Variants in HHIPL2 observed in about 807,000 individuals in gnomAD.
HHIPL2 encodes the protein HHIP-like protein 2.
HHIPL2 carries 61 observed loss-of-function variants against 61.0 expected under a neutral mutation model. The observed-to-expected ratio is 1.00, with a 90% CI of 0.81 to 1.24. HHIPL2 has a LOEUF of 1.24. HHIPL2 is among the 50% of genes most tolerant of loss of function. The probability of loss-of-function intolerance (pLI) is 0.00; values close to 1 mark genes in which losing one functional copy is unlikely to be tolerated. For missense variants in HHIPL2, 885 were observed against 910.2 expected, an observed-to-expected ratio of 0.97 and a Z score of 0.36; for synonymous variants, 343 against 357.4, an observed-to-expected ratio of 0.96 and a Z score of 0.45.
Position 222,540,160 on chromosome 1 carries a change from G to T in HHIPL2, c.1300C>A (p.Arg434Ser). The change falls in exon 4 of 9, where the codon CGC becomes AGC. Residue 434 changes from arginine to serine, a missense_variant. By Grantham distance (110) the Arg-to-Ser change is moderately radical. Coordinates refer to ENST00000343410, the MANE Select transcript of HHIPL2 (RefSeq NM_024746.4). ...CAVDRGDPITRQGRGRIFCGD... is the reference protein window; with the variant it reads ...CAVDRGDPITSQGRGRIFCGD... ...CAGAATATCCGGCCTCGGCCCTGGC[G>T]CGTGATGGGGTCCCCTCGGTCCACA... The T allele has an allele frequency of 6.2e-7, 1 of 1,614,234 alleles. No homozygotes were observed. The highest frequency in any genetic ancestry group is 8.5e-7 in the Non-Finnish European group (1 of 1,180,044).
chr1:222,533,531 T>A (rs540795255), intron 5 of HHIPL2, among the ~76,000 whole-genome samples: 1 of 152,226 alleles, frequency 6.6e-6, no homozygotes. Context: ...ACCTGACCAA[T>A]TAGTAACTTT....
chr1:222,533,138 G>A (rs1659227181), intron 5 of HHIPL2, among the ~76,000 whole-genome samples: 1 of 152,184 alleles, frequency 6.6e-6, no homozygotes, highest in South Asian at 2.1e-4. Context: ...GCTGAGGCGG[G>A]TGGATCACCT....
At chr1:222,547,634 G>A (rs1659581658) in intron 1 of HHIPL2, 90 bp downstream of exon 1, 2 of 1,130,768 alleles carry the variant, frequency 1.8e-6, no homozygotes, top group African/African-American at 3.1e-5. Context: ...AACTTCTAAA[G>A]GGCTGGGCTC....
Position 222,532,078 on chromosome 1 carries a change from G to A in HHIPL2, c.1611C>T (p.Asn537=), listed in dbSNP as rs182057731. 1.2e-6 allele frequency: 2 copies of A among 1,613,686 alleles called. No homozygotes were observed. The highest frequency in any genetic ancestry group is 3.3e-5 in the Admixed American group (2 of 59,966). ...AAAGATCCTGCTTCTTCCATTTCTTGTTTTTTCTATCTTCCTGCAAAGCCA... is the reference window on the plus strand; with the variant it reads ...AAAGATCCTGCTTCTTCCATTTCTTATTTTTTCTATCTTCCTGCAAAGCCA... The part of the protein sequence containing the change: ...RLMALQEDRK[N]KKWKKQDLCL... Residue 537 remains asparagine, a synonymous_variant, in exon 6 of 9, where the codon AAC becomes AAT. Transcript: ENST00000343410.
At chr1:222,527,708 A>G (rs1255826867) in intron 6 of HHIPL2, among the ~76,000 whole-genome samples, 1 of 152,072 alleles carries the variant, frequency 6.6e-6, no homozygotes, top group Non-Finnish European at 1.5e-5. Flanking sequence ...TGTGGGAGTG[A>G]CCCAATGGGA....
In HHIPL2 at chr1:222,538,989, G is replaced by A; in HGVS notation, c.1451-215C>T. ...ACTTCCTACTTAACTGCTATCTGCAGGCAGAGAGGAAGCCAAAAATTCCCT... is the reference window on the plus strand; with the variant it reads ...ACTTCCTACTTAACTGCTATCTGCAAGCAGAGAGGAAGCCAAAAATTCCCT... On this transcript the variant is annotated intron_variant, in intron 4 of 8. Transcript: ENST00000343410. 12 of 515,468 alleles carry A rather than the reference G, an allele frequency of 2.3e-5. No homozygotes were observed. The South Asian group carries it at 2.6e-4, about 11-fold the overall frequency. 31.9% of individuals were successfully genotyped at this position (515,468 alleles called of 1,614,324 possible). A position where few individuals can be genotyped will look rare whatever the true frequency, so the allele number is the denominator to read the frequency against.
intron 6 of HHIPL2, among the ~76,000 whole-genome samples, chr1:222,531,365 T>C (rs1346827719): frequency 6.6e-6 from 1 of 152,172 alleles, no homozygotes; most frequent in Admixed American, 6.5e-5. Flanking sequence ...AGAATAGATA[T>C]TCCCCTCACA....
intron 2 of HHIPL2, among the ~76,000 whole-genome samples, 199 bp downstream of exon 2, chr1:222,543,338 G>A (rs763592938): frequency 5.9e-5 from 9 of 152,200 alleles, no homozygotes; most frequent in Non-Finnish European, 1.3e-4. Context: ...TAGGGTAACT[G>A]TAAGGTGATG....
Position 222,542,134 on chromosome 1 carries a change from T to G in HHIPL2, c.996A>C (p.Glu332Asp), listed in dbSNP as rs1571776345. ...GTCCGCCATTATGGTTTGAGGCTGGTTCTTCAATCTCCAAGATGACCCTGG... is the reference window on the plus strand; with the variant it reads ...GTCCGCCATTATGGTTTGAGGCTGGGTCTTCAATCTCCAAGATGACCCTGG... ...KSERVILEIE[E>D]PASNHNGGQL... The change falls in exon 3 of 9, where the codon GAA (glutamate) becomes GAC (aspartate). Residue 332 changes from glutamate to aspartate, a missense_variant. Glu to Asp is a conservative substitution (Grantham distance 45). Transcript: ENST00000343410. 4 of 1,613,772 alleles carry G rather than the reference T, an allele frequency of 2.5e-6. No individual in the cohort carries two copies. The highest frequency in any genetic ancestry group is 3.4e-6 in the Non-Finnish European group (4 of 1,179,952).
Position 222,542,149 on chromosome 1 carries a change from G to A in HHIPL2, c.981C>T (p.Ile327=). 1 of 1,613,638 alleles carries A rather than the reference G, an allele frequency of 6.2e-7. No homozygotes were observed. The highest frequency in any genetic ancestry group is 8.5e-7 in the Non-Finnish European group (1 of 1,179,904). Residue 327 remains isoleucine, a synonymous_variant, in exon 3 of 9, where the codon ATC becomes ATT. Coordinates refer to ENST00000343410, the MANE Select transcript of HHIPL2 (RefSeq NM_024746.4). ...NKADLKSERV[I]LEIEEPASNH... is the part of the protein sequence containing the mutation. Reference sequence around the variant, plus strand: ...TTGAGGCTGGTTCTTCAATCTCCAAGATGACCCTGGAAGAGAAAAAAGAAA... The same window carrying A: ...TTGAGGCTGGTTCTTCAATCTCCAAAATGACCCTGGAAGAGAAAAAAGAAA...
Position 222,532,129 on chromosome 1 carries a change from C to G in HHIPL2, c.1578-18G>C, listed in dbSNP as rs758924951. ...TAAGTCGACTAGACAAAAAATAAAC[C>G]CTTATGTTTAGGAATCCATATATCC... is the stretch of plus-strand genomic sequence containing the variant. On this transcript the variant is annotated intron_variant, in intron 5 of 8. Transcript: ENST00000343410. 1 of 1,604,374 alleles carries G rather than the reference C, an allele frequency of 6.2e-7. No individual in the cohort carries two copies. Among genetic ancestry groups the G allele is most frequent in the Non-Finnish European group, 8.5e-7 (1 of 1,175,184 alleles).
At chr1:222,540,436 C>A (rs73120996) in intron 3 of HHIPL2, 95 bp from the exon 4 acceptor site, 2 of 926,606 alleles carry the variant, frequency 2.2e-6, no homozygotes, top group East Asian at 2.5e-5. Flanking sequence ...ATAGCTGATG[C>A]CAAGAGACTG....
Position 222,531,522 on chromosome 1 carries a change from C to T in HHIPL2, c.1723+444G>A, listed in dbSNP as rs568802433. Among the ~76,000 whole-genome samples the T allele has an allele frequency of 3.3e-5, 5 of 152,142 alleles. No homozygotes were observed. In the South Asian group the frequency reaches 8.3e-4, roughly 25 times the overall value. On this transcript the variant is annotated intron_variant, in intron 6 of 8. Coordinates refer to ENST00000343410, the MANE Select transcript of HHIPL2 (RefSeq NM_024746.4). ...CAGCACTTTGGGAGGCTGAGGCGGG[C>T]AGATCACCTGAGGTCAGGAATTTGA...
In HHIPL2 at chr1:222,531,706, C is replaced by A. The variant is rs1477892035; in HGVS notation, c.1723+260G>T. Among the ~76,000 whole-genome samples, 4 of 151,794 alleles carry A rather than the reference C, an allele frequency of 2.6e-5. 1 individual carries two copies. Among genetic ancestry groups the A allele is most frequent in the Admixed American group, 2.0e-4 (3 of 15,220 alleles). ...GAGGTTGCAGTAAGCCGAGATGGCG[C>A]CGCAGACAGAGAGCAAGACTCTGTC... On this transcript the variant is annotated intron_variant, in intron 6 of 8. Coordinates refer to ENST00000343410, the MANE Select transcript of HHIPL2 (RefSeq NM_024746.4).
chr1:222,536,887 A>AGCCTCCCC (rs1427726063), intron 5 of HHIPL2, among the ~76,000 whole-genome samples: 1 of 140,076 alleles, frequency 7.1e-6, no homozygotes, highest in Non-Finnish European at 1.5e-5. Context: ...CCATCTCTAC[A>AGCCTCCCC]AAAAAAAAAA....
At chr1:222,539,817 A>G (rs1659389605) in intron 4 of HHIPL2, among the ~76,000 whole-genome samples, 193 bp downstream of exon 4, 1 of 152,200 alleles carries the variant, frequency 6.6e-6, no homozygotes. Context: ...ACTTTTTTAA[A>G]ATAGCCACTG....
chr1:222,543,765 C>T lies in HHIPL2; in HGVS notation c.746G>A (p.Ser249Asn), dbSNP rs1463561681. 5.6e-6 allele frequency: 9 copies of T among 1,614,042 alleles called. No homozygotes were observed. The highest frequency in any genetic ancestry group is 7.6e-6 in the Non-Finnish European group (9 of 1,180,032). The change falls in exon 2 of 9, where the codon AGT becomes AAT. Residue 249 changes from serine to asparagine, a missense_variant. Physicochemically the swap from Ser to Asn is conservative, Grantham distance 46. Transcript: ENST00000343410. ...GTCCAGGAAGGGTTGCTCCAGGCGA[C>T]TCCCATCAGGGAGGTAGACCCACAC... ...GVVWVYLPDG[S>N]RLEQPFLDLK...
At chr1:222,538,427 G>GAT (rs1413786946) in intron 5 of HHIPL2, among the ~76,000 whole-genome samples, 3 of 150,368 alleles carry the variant, frequency 2.0e-5, no homozygotes, top group South Asian at 2.1e-4. Context: ...GAGAGACAGA[G>GAT]AGAGAGAGAG....
chr1:222,533,147 C>T, intron 5 of HHIPL2, among the ~76,000 whole-genome samples: 1 of 152,004 alleles, frequency 6.6e-6, no homozygotes, highest in East Asian at 1.9e-4. Flanking sequence ...GGTGGATCAC[C>T]TGAGGCCAGG....
Sources: allele counts gnomAD v4.1 joint callset (sites outside exome capture counted in the v4.1 genomes callset), GRCh38; gene constraint gnomAD v4.1.1; transcripts MANE v1.5; gene names NCBI Gene and HGNC (gene_info 2026-07-23, HGNC 2026-07-21).